FGD4: variants seen among roughly 807,000 people sequenced by gnomAD.
The protein encoded by FGD4 is FYVE, RhoGEF and PH domain containing 4.
A neutral mutation model predicts 102.0 loss-of-function variants in FGD4; 42 were observed. That is an observed-to-expected ratio of 0.41 (90% confidence interval 0.32 to 0.53). FGD4 has a LOEUF of 0.53. FGD4 is among the 20% of genes least tolerant of loss of function. FGD4 has a pLI of 0.21. For synonymous variants in FGD4, 380 were observed against 375.7 expected, an observed-to-expected ratio of 1.01 and a Z score of -0.13; for missense variants, 902 against 1,078.2, an observed-to-expected ratio of 0.84 and a Z score of 2.29.
At chr12:32,520,453 A>ATTG (rs371946817) in intron 1 of FGD4, among the ~76,000 whole-genome samples, 1 of 127,480 alleles carries the variant, frequency 7.8e-6, no homozygotes, top group Non-Finnish European at 1.6e-5. Flanking sequence ...TTTTTTTTTT[A>ATTG]GAGATGGAGT....
intron 8 of FGD4, among the ~76,000 whole-genome samples, chr12:32,609,667 A>C (rs1032470132): frequency 1.4e-5 from 2 of 146,734 alleles, no homozygotes; most frequent in Admixed American, 6.9e-5. Flanking sequence ...ACTTTCACTC[A>C]AATTCCAAGG....
chr12:32,537,495 G>A (rs950156923), intron 1 of FGD4, among the ~76,000 whole-genome samples: 10 of 152,068 alleles, frequency 6.6e-5, no homozygotes, highest in Admixed American at 2.6e-4. Flanking sequence ...TTCTCTGCTC[G>A]CAGTCCTTCA....
rs370243958 is a variant in FGD4 at position 32,412,126 on chromosome 12, A to G, written c.166+12167A>G. Among the ~76,000 whole-genome samples, 23 of 152,378 alleles carry G rather than the reference A, an allele frequency of 1.5e-4. No homozygotes were observed. The East Asian group carries it at 2.7e-3, about 18-fold the overall frequency. On this transcript the variant is annotated intron_variant, in intron 1 of 16. Transcript: ENST00000534526. ...GGAAGAGGAGATAGGGAATATTGGT[A>G]TTCTGCTGAGTAATAATTGATTACT...
At chr12:32,440,398 T>C (rs1942390759) in intron 1 of FGD4, among the ~76,000 whole-genome samples, 1 of 152,218 alleles carries the variant, frequency 6.6e-6, no homozygotes, top group Non-Finnish European at 1.5e-5. Context: ...TGCAGACTCA[T>C]AGAGGTATAA....
At chr12:32,485,593 A>G (rs1191481609) in intron 1 of FGD4, among the ~76,000 whole-genome samples, 2 of 151,484 alleles carry the variant, frequency 1.3e-5, no homozygotes, top group Non-Finnish European at 2.9e-5. Context: ...GGCGCCTGCC[A>G]CCACGCCTGG....
At chr12:32,524,389 C>A (rs1433034635) in intron 1 of FGD4, among the ~76,000 whole-genome samples, 2 of 107,102 alleles carry the variant, frequency 1.9e-5, no homozygotes, top group Non-Finnish European at 3.5e-5. Context: ...GAGGGAGACT[C>A]TGTCTCAAAA....
chr12:32,622,595 A>G (rs1565918186), intron 11 of FGD4, among the ~76,000 whole-genome samples: 1 of 152,184 alleles, frequency 6.6e-6, no homozygotes, highest in African/African-American at 2.4e-5. Context: ...GGTATGATCT[A>G]TCATGCTCTT....
At position 32,603,676 on chromosome 12, in the gene FGD4, C is replaced by T. The variant is rs147466154; in HGVS notation, c.1404+1359C>T. Among the ~76,000 whole-genome samples the T allele has an allele frequency of 5.3e-3, 809 of 151,994 alleles. 6 individuals are homozygous for T. The highest frequency in any genetic ancestry group is 0.018 in the African/African-American group (728 of 41,426). On this transcript the variant is annotated intron_variant, in intron 7 of 16. Transcript: ENST00000534526. ...CTGGGATTATAGGCGTGAGCCACCGCGCCTGGCCTTTGTTTCTATAATGTT... is the reference window on the plus strand; with the variant it reads ...CTGGGATTATAGGCGTGAGCCACCGTGCCTGGCCTTTGTTTCTATAATGTT...
At chr12:32,563,474 A>G (rs1163875065) in intron 1 of FGD4, among the ~76,000 whole-genome samples, 2 of 149,946 alleles carry the variant, frequency 1.3e-5, no homozygotes, top group Admixed American at 6.6e-5. Flanking sequence ...CTCACTTCCT[A>G]GATGAGATGG....
chr12:32,518,164 C>T (rs1011553979), intron 1 of FGD4, among the ~76,000 whole-genome samples: 14 of 152,178 alleles, frequency 9.2e-5, no homozygotes, highest in African/African-American at 3.4e-4. Context: ...CTACTGCCTA[C>T]ATTCTAGGAG....
intron 1 of FGD4, among the ~76,000 whole-genome samples, chr12:32,493,733 T>G (rs1252417281): frequency 6.6e-6 from 1 of 152,182 alleles, no homozygotes; most frequent in Non-Finnish European, 1.5e-5. Flanking sequence ...TCCTTATGGA[T>G]TTTACCTTTT....
intron 1 of FGD4, among the ~76,000 whole-genome samples, chr12:32,449,625 T>G (rs1942712935): frequency 6.6e-6 from 1 of 152,264 alleles, no homozygotes. Flanking sequence ...TTGATGCTGT[T>G]ACTTTGATCA....
In FGD4 at chr12:32,399,887, A is replaced by G. The variant is rs1191775147; in HGVS notation, c.94A>G (p.Ser32Gly). 3 of 1,530,244 alleles carry G rather than the reference A, an allele frequency of 2.0e-6. No homozygotes were observed. The highest frequency in any genetic ancestry group is 2.5e-5 in the East Asian group (1 of 40,198). 94.8% of individuals were successfully genotyped at this position (1,530,244 alleles called of 1,614,324 possible). A position where few individuals can be genotyped will look rare whatever the true frequency, so the allele number is the denominator to read the frequency against. Reference protein sequence around the residue: ...YLPPGVPRPWSRPASHLGRVG... With the variant: ...YLPPGVPRPWGRPASHLGRVG... ...GCCGCCCGGGGTGCCCCGGCCCTGG[A>G]GCAGGCCCGCGTCGCACCTGGGACG... The change falls in exon 1 of 17, where the codon AGC becomes GGC. Residue 32 changes from serine (S) to glycine (G), a missense_variant. Coordinates refer to ENST00000534526, the MANE Select transcript of FGD4 (RefSeq NM_001370298.3).
chr12:32,640,865 GTCT>G lies in FGD4; in HGVS notation c.*339_*341del, dbSNP rs1207612130. 3.5e-5 allele frequency: 19 copies of G among 546,534 alleles called. No individual in the cohort carries two copies. The highest frequency in any genetic ancestry group is 2.0e-4 in the Admixed American group (6 of 30,158). The allele number at this position is 546,534 out of a possible 1,614,324, so 33.9% of individuals were successfully genotyped here. Reference sequence around the variant, plus strand: ...ACTTCCATTTAAGAAATCCTTTCATGTCTTCTTCTCTTTCACATGTAGGACCTG... The same window carrying G: ...ACTTCCATTTAAGAAATCCTTTCATGTCTTCTCTTTCACATGTAGGACCTG... On this transcript the variant is annotated 3_prime_UTR_variant, in exon 17 of 17. Transcript: ENST00000534526.
At position 32,643,020 on chromosome 12, in the gene FGD4, C is replaced by A. The variant is rs188600194; in HGVS notation, c.*2487C>A. 4.9e-3 allele frequency: 749 copies of A among 152,552 alleles called. 5 individuals carry two copies. The highest frequency in any genetic ancestry group is 0.01 in the Middle Eastern group (3 of 294). 9.4% of individuals were successfully genotyped at this position (152,552 alleles called of 1,614,324 possible). On this transcript the variant is annotated 3_prime_UTR_variant, in exon 17 of 17. Coordinates refer to ENST00000534526, the MANE Select transcript of FGD4 (RefSeq NM_001370298.3). Reference sequence around the variant, plus strand: ...CCAACGTTCCCTGTGGGTCTTAATTCTTTATTTTCACTCATTTGGTGCTTT... The same window carrying A: ...CCAACGTTCCCTGTGGGTCTTAATTATTTATTTTCACTCATTTGGTGCTTT...
intron 1 of FGD4, among the ~76,000 whole-genome samples, chr12:32,480,002 C>T (rs761789690): frequency 9.2e-5 from 14 of 151,598 alleles, no homozygotes; most frequent in Non-Finnish European, 1.8e-4. Context: ...TGTTGCTCAG[C>T]GTGGTCTCAA....
chr12:32,481,721 T>C (rs952523924), intron 1 of FGD4, among the ~76,000 whole-genome samples: 12 of 151,402 alleles, frequency 7.9e-5, no homozygotes, highest in Admixed American at 1.3e-4. Flanking sequence ...CTTGGGAGGC[T>C]GAGGTGGAAG....
chr12:32,463,285 G>A (rs1943157839), intron 1 of FGD4, among the ~76,000 whole-genome samples: 3 of 152,214 alleles, frequency 2.0e-5, no homozygotes, highest in Non-Finnish European at 2.9e-5. Flanking sequence ...CATGCGACTA[G>A]TAGAAAAGAG....
intron 14 of FGD4, among the ~76,000 whole-genome samples, chr12:32,628,575 G>A (rs913258125): frequency 3.7e-4 from 57 of 152,068 alleles, no homozygotes; most frequent in African/African-American, 1.4e-3. Context: ...GAGACGGGTC[G>A]ATCTCCTGAG....
Sources: gnomAD v4.1 joint callset for allele counts (sites outside exome capture counted in the v4.1 genomes callset) on GRCh38, gnomAD v4.1.1 for gene constraint, MANE v1.5 for transcripts, NCBI Gene and HGNC (gene_info 2026-07-23, HGNC 2026-07-21) for gene names.